CCND3: variants seen among roughly 807,000 people sequenced by gnomAD.
CCND3 encodes G1/S-specific cyclin-D3.
Under a neutral mutation model 28.7 loss-of-function variants are expected in CCND3, and 9 were observed. The observed-to-expected ratio is 0.31, with a 90% CI of 0.19 to 0.55. CCND3 has a LOEUF of 0.55. Ranked by LOEUF, CCND3 falls within the 20% of genes least tolerant of loss-of-function variation. CCND3 has a pLI of 0.93. For synonymous variants in CCND3, 164 were observed against 163.9 expected, an observed-to-expected ratio of 1.00 and a Z score of 0.00; for missense variants, 315 against 385.8, an observed-to-expected ratio of 0.82 and a Z score of 1.54.
At chr6:42,017,232 TA>T (rs1178207254) in intron 1 of CCND3, among the ~76,000 whole-genome samples, 1 of 152,196 alleles carries the variant, frequency 6.6e-6, no homozygotes, top group Non-Finnish European at 1.5e-5. Context: ...GCTGTCTCCC[TA>T]ATCAGGGGCC....
intron 1 of CCND3, among the ~76,000 whole-genome samples, chr6:41,993,725 C>A (rs1762720914): frequency 1.3e-5 from 2 of 151,576 alleles, no homozygotes; most frequent in Non-Finnish European, 2.9e-5. Flanking sequence ...GAGTTTGAGA[C>A]CAGCCTGGCC....
chr6:41,957,908 C>T (rs920329793), intron 1 of CCND3, among the ~76,000 whole-genome samples: 2 of 152,004 alleles, frequency 1.3e-5, no homozygotes, highest in African/African-American at 4.8e-5. Flanking sequence ...TGGTCTCGAA[C>T]TCCTGGCCTC....
chr6:41,941,177 G>T lies in CCND3; in HGVS notation c.198+275C>A. Reference sequence around the variant, plus strand: ...GCGGGAGACGCTGTGAGAAGCCGAAGGGGAGAGAGTGTCCTTGGTCCCGTT... The same window carrying T: ...GCGGGAGACGCTGTGAGAAGCCGAATGGGAGAGAGTGTCCTTGGTCCCGTT... On this transcript the variant is annotated intron_variant, in intron 1 of 4. Coordinates refer to ENST00000372991, the MANE Select transcript of CCND3 (RefSeq NM_001760.5). The surrounding 1 kb of genome is among the most constrained non-coding windows in gnomAD (Gnocchi z 6.1). 1 of 1,448,864 alleles carries T rather than the reference G, an allele frequency of 6.9e-7. No individual in the cohort carries two copies. Among genetic ancestry groups the T allele is most frequent in the Non-Finnish European group, 9.0e-7 (1 of 1,106,240 alleles). The allele number at this position is 1,448,864 out of a possible 1,614,324, so 89.8% of individuals were successfully genotyped here. A position where few individuals can be genotyped will look rare whatever the true frequency, so the allele number is the denominator to read the frequency against.
intron 1 of CCND3, among the ~76,000 whole-genome samples, chr6:41,961,295 G>A (rs913043031): frequency 2.0e-5 from 3 of 152,170 alleles, no homozygotes; most frequent in Non-Finnish European, 1.5e-5. Context: ...CCAACAAAGC[G>A]TGGTGTCTCA....
At chr6:41,942,210 CCTCACGATGTAATGA>C (rs1386732846), upstream of CCND3, among the ~76,000 whole-genome samples, 1 of 152,196 alleles carries the variant, frequency 6.6e-6, no homozygotes, top group Non-Finnish European at 1.5e-5. Context: ...TGCTCGAAAG[CCTCACGATGTAATGA>C]CTCACTACAT....
intron 1 of CCND3, among the ~76,000 whole-genome samples, chr6:42,002,811 G>C (rs150262209): frequency 6.6e-6 from 1 of 151,784 alleles, no homozygotes; most frequent in Non-Finnish European, 1.5e-5. Context: ...CCAAGGTCAC[G>C]ATACTGCACT....
chr6:41,982,574 A>C (rs1762378936), intron 1 of CCND3, among the ~76,000 whole-genome samples: 1 of 152,182 alleles, frequency 6.6e-6, no homozygotes, highest in South Asian at 2.1e-4. Context: ...GGTAGTGACA[A>C]ACTGATTGTA....
chr6:41,985,021 A>T (rs1278574413), intron 1 of CCND3, among the ~76,000 whole-genome samples: 2 of 152,196 alleles, frequency 1.3e-5, no homozygotes, highest in Admixed American at 1.3e-4. Context: ...CTATTGAGTT[A>T]CATAAGTTCC....
intron 1 of CCND3, among the ~76,000 whole-genome samples, chr6:42,033,806 G>A (rs1764116180): frequency 6.7e-6 from 1 of 150,360 alleles, no homozygotes; most frequent in Non-Finnish European, 1.5e-5. Flanking sequence ...AGCTGAGATT[G>A]CGCCATTGCA....
intron 1 of CCND3, among the ~76,000 whole-genome samples, chr6:42,044,357 T>A (rs1174024556): frequency 6.6e-6 from 1 of 152,080 alleles, no homozygotes; most frequent in Non-Finnish European, 1.5e-5. Context: ...ATTCACCCAA[T>A]CCAGTCACCC....
In CCND3 at chr6:42,026,642, C is replaced by T. The variant is rs151031330; in HGVS notation, c.-46+21859G>A. Among the ~76,000 whole-genome samples, 388 of 152,268 alleles carry T rather than the reference C, an allele frequency of 2.5e-3. 2 individuals carry two copies. Among genetic ancestry groups the T allele is most frequent in the African/African-American group, 8.9e-3 (370 of 41,548 alleles). ...AACTGTCCCCTAAAATCCACTTTCC[C>T]TTCTTGTACCTTTGGTACTAGAAGC... On this transcript the variant is annotated intron_variant, in intron 1 of 4. Coordinates refer to the CCND3 transcript ENST00000372988.
chr6:41,986,828 T>C (rs1236147830), intron 1 of CCND3, among the ~76,000 whole-genome samples: 1 of 152,048 alleles, frequency 6.6e-6, no homozygotes, highest in South Asian at 2.1e-4. Context: ...ATGGGCATCC[T>C]TGTCTTGTTC....
intron 1 of CCND3, among the ~76,000 whole-genome samples, chr6:42,025,865 G>C (rs1157590665): frequency 2.6e-5 from 4 of 152,186 alleles, no homozygotes; most frequent in Non-Finnish European, 4.4e-5. Flanking sequence ...CACACACACG[G>C]AACATGGTAC....
intron 1 of CCND3, among the ~76,000 whole-genome samples, chr6:41,952,807 TGTGA>T (rs1365089355): frequency 1.1e-5 from 1 of 88,366 alleles, no homozygotes; most frequent in Non-Finnish European, 2.4e-5. Context: ...AAGTAGTGAG[TGTGA>T]GTGTGTGTGT....
intron 1 of CCND3, among the ~76,000 whole-genome samples, chr6:42,045,002 C>T (rs1379483923): frequency 1.5e-5 from 2 of 131,278 alleles, no homozygotes; most frequent in African/African-American, 2.9e-5. Context: ...GATGAGGTTT[C>T]ACCATGTTGG....
intron 1 of CCND3, among the ~76,000 whole-genome samples, chr6:42,004,624 C>T (rs572949335): frequency 3.3e-5 from 5 of 151,980 alleles, no homozygotes; most frequent in East Asian, 3.9e-4. Flanking sequence ...CCCAGCTACT[C>T]GGAGGCTGAG....
intron 1 of CCND3, among the ~76,000 whole-genome samples, chr6:42,012,906 C>T (rs1763382097): frequency 6.6e-6 from 1 of 152,222 alleles, no homozygotes; most frequent in East Asian, 1.9e-4. Context: ...GAAAGTCACC[C>T]CCTCTCACAG....
chr6:41,943,997 A>T (rs1001181677), upstream of CCND3, among the ~76,000 whole-genome samples: 2 of 152,256 alleles, frequency 1.3e-5, no homozygotes, highest in Non-Finnish European at 2.9e-5. Flanking sequence ...AATTCTTGAC[A>T]TAAATTAATT....
intron 1 of CCND3, among the ~76,000 whole-genome samples, chr6:41,983,327 G>A (rs1420709467): frequency 1.3e-5 from 2 of 149,848 alleles, no homozygotes; most frequent in East Asian, 2.0e-4. Flanking sequence ...AGTCGAGATC[G>A]TGCCATTGCA....
Sources: allele counts gnomAD v4.1 joint callset (sites outside exome capture counted in the v4.1 genomes callset), GRCh38; gene constraint gnomAD v4.1.1; non-coding constraint Gnocchi (gnomAD v3.1); transcripts MANE v1.5; gene names NCBI Gene and HGNC (gene_info 2026-07-23, HGNC 2026-07-21).